Variants in KLF17 observed in about 807,000 individuals in gnomAD.
The protein encoded by KLF17 is KLF transcription factor 17.
In KLF17, 31 loss-of-function variants were observed where a neutral mutation model predicts 34.2. The observed-to-expected ratio is 0.91, with a 90% CI of 0.68 to 1.22. KLF17 has a LOEUF of 1.22. Ranked by LOEUF, KLF17 falls within the 50% of genes most tolerant of loss-of-function variation. The pLI is 0.00. For missense variants in KLF17, 478 were observed against 505.2 expected (o/e 0.95, Z 0.52); for synonymous variants, 179 against 186.7 (o/e 0.96, Z 0.34).
upstream of KLF17, chr1:44,114,836 A>G (rs2087864864): frequency 6.6e-6 from 1 of 152,228 alleles, no homozygotes; most frequent in Non-Finnish European, 1.5e-5. Context: ...ATTGCTGTAG[A>G]TACTGAATTT....
chr1:44,111,690 G>A, the KLF17 span, among the ~76,000 whole-genome samples: 1 of 151,954 alleles, frequency 6.6e-6, no homozygotes, highest in Admixed American at 6.6e-5. Context: ...TCAGGAGTTC[G>A]AGACTGTCCT....
At chr1:44,091,913 CA>C in the KLF17 span, among the ~76,000 whole-genome samples, 10,728 of 98,530 alleles carry the variant, frequency 0.11, 561 homozygotes, top group African/African-American at 0.15. Context: ...AACTCTGTCT[CA>C]AAAAAAAAAA....
At chr1:44,108,615 A>T in the KLF17 span, among the ~76,000 whole-genome samples, 4 of 140,744 alleles carry the variant, frequency 2.8e-5, no homozygotes, top group African/African-American at 1.0e-4. Context: ...GGTGGGATCT[A>T]GTCTCTGATA....
At chr1:44,114,730 G>C (rs974737227), upstream of KLF17, 4 of 152,056 alleles carry the variant, frequency 2.6e-5, no homozygotes, top group Non-Finnish European at 5.9e-5. Flanking sequence ...ACTAAAAGTT[G>C]GTCTGCCTTT....
chr1:44,107,599 C>A, the KLF17 span, among the ~76,000 whole-genome samples: 1 of 152,170 alleles, frequency 6.6e-6, no homozygotes, highest in African/African-American at 2.4e-5. Flanking sequence ...CAGGAGGAAT[C>A]ATTTCTTTGA....
At chr1:44,124,476 G>A (rs2087984484) in intron 1 of KLF17, among the ~76,000 whole-genome samples, 1 of 147,248 alleles carries the variant, frequency 6.8e-6, no homozygotes, top group East Asian at 2.0e-4. Flanking sequence ...CTACAGGCAC[G>A]TGCCACCACA....
chr1:44,096,811 T>C, the KLF17 span, among the ~76,000 whole-genome samples: 1 of 152,204 alleles, frequency 6.6e-6, no homozygotes, highest in Non-Finnish European at 1.5e-5. Flanking sequence ...TCTTTTCCTG[T>C]TCAGAAGCTC....
At chr1:44,094,736 G>A in the KLF17 span, among the ~76,000 whole-genome samples, 1 of 152,014 alleles carries the variant, frequency 6.6e-6, no homozygotes, top group Non-Finnish European at 1.5e-5. Context: ...TGCTGTTTTG[G>A]TTACCATAAT....
chr1:44,070,524 T>C, the KLF17 span, among the ~76,000 whole-genome samples: 3 of 152,168 alleles, frequency 2.0e-5, no homozygotes, highest in African/African-American at 7.2e-5. Flanking sequence ...AAAGACATGA[T>C]TTCGTTATTT....
the KLF17 span, among the ~76,000 whole-genome samples, chr1:44,064,989 G>T: frequency 6.6e-6 from 1 of 152,122 alleles, no homozygotes; most frequent in Non-Finnish European, 1.5e-5. Context: ...ATTGTTTTAA[G>T]GTCAAGAGAT....
chr1:44,085,917 T>G, the KLF17 span, among the ~76,000 whole-genome samples: 2 of 151,078 alleles, frequency 1.3e-5, no homozygotes, highest in African/African-American at 4.9e-5. Flanking sequence ...AGCTTTTCAC[T>G]GAGGTAGACT....
At chr1:44,048,532 G>A in the KLF17 span, 1 of 152,192 alleles carries the variant, frequency 6.6e-6, no homozygotes, top group Non-Finnish European at 1.5e-5. Flanking sequence ...CTTTGGAGAA[G>A]GTACTGCACT....
At chr1:44,099,182 T>C in the KLF17 span, among the ~76,000 whole-genome samples, 1 of 151,736 alleles carries the variant, frequency 6.6e-6, no homozygotes, top group Non-Finnish European at 1.5e-5. Flanking sequence ...GGCTGGAGGA[T>C]TGCTTGAGTT....
upstream of KLF17, among the ~76,000 whole-genome samples, chr1:44,117,564 C>A (rs963934133): frequency 1.3e-5 from 2 of 151,228 alleles, no homozygotes; most frequent in Non-Finnish European, 2.9e-5. Context: ...GGCGCGATCT[C>A]GACACACTGG....
chr1:44,125,430 C>T (rs551165871), intron 1 of KLF17, among the ~76,000 whole-genome samples: 21 of 152,264 alleles, frequency 1.4e-4, no homozygotes, highest in African/African-American at 4.8e-4. Context: ...CGATGAGTCA[C>T]TTCTCTTGCT....
intron 1 of KLF17, among the ~76,000 whole-genome samples, chr1:44,119,501 CAG>C (rs1282108491): frequency 1.3e-5 from 2 of 151,652 alleles, no homozygotes; most frequent in Non-Finnish European, 1.5e-5. Flanking sequence ...TACCATGAAA[CAG>C]ATATATATAA....
At chr1:44,116,476 A>C (rs150605266), upstream of KLF17, among the ~76,000 whole-genome samples, 1 of 152,290 alleles carries the variant, frequency 6.6e-6, no homozygotes, top group Non-Finnish European at 1.5e-5. Flanking sequence ...CCATCAGCCT[A>C]TAACATGCCC....
intron 2 of KLF17, 91 bp from the exon 3 acceptor site, chr1:44,130,421 G>A (rs2088093788): frequency 6.5e-7 from 1 of 1,541,154 alleles, no homozygotes. Flanking sequence ...CTTCCCTTTT[G>A]AATCCTCAAC....
Position 44,130,656 on chromosome 1 carries a change from A to G in KLF17, c.1070A>G (p.His357Arg). 6.2e-7 allele frequency: 1 copy of G among 1,614,166 alleles called. No individual in the cohort carries two copies. Among genetic ancestry groups the G allele is most frequent in the Non-Finnish European group, 8.5e-7 (1 of 1,180,020 alleles). The change falls in exon 3 of 4, where the codon CAT becomes CGT. Residue 357 changes from histidine to arginine, a missense_variant. Physicochemically the swap from His to Arg is conservative, Grantham distance 29. Transcript: ENST00000372299. ...QCSREFMRSD[H>R]LKQHQKTHRP... ...AGCCGGGAGTTCATGAGGTCTGACC[A>G]TCTCAAGCAACACCAGAAGACTCAT...
Sources: allele counts gnomAD v4.1 joint callset (sites outside exome capture counted in the v4.1 genomes callset), GRCh38; gene constraint gnomAD v4.1.1; transcripts MANE v1.5; gene names NCBI Gene and HGNC (gene_info 2026-07-23, HGNC 2026-07-21).